GPC5: variants seen among roughly 807,000 people sequenced by gnomAD.
GPC5 encodes glypican-5.
In GPC5, 47 loss-of-function variants were observed where a neutral mutation model predicts 53.9. That is an observed-to-expected ratio of 0.87 (90% CI 0.69 to 1.11). The LOEUF is 1.11. GPC5 is among the 50% of genes most tolerant of loss of function. The probability of loss-of-function intolerance (pLI) is 0.00; values close to 1 mark genes in which losing one functional copy is unlikely to be tolerated. For synonymous variants in GPC5, 286 were observed against 263.3 expected (o/e 1.09, Z -0.84); for missense variants, 748 against 713.1 (o/e 1.05, Z -0.56).
chr13:91,728,916 T>C (rs947708031), intron 4 of GPC5, among the ~76,000 whole-genome samples: 1 of 152,092 alleles, frequency 6.6e-6, no homozygotes, highest in Non-Finnish European at 1.5e-5. Context: ...GAAGGTCATA[T>C]TGGGGGCCCT....
intron 7 of GPC5, among the ~76,000 whole-genome samples, chr13:92,329,294 G>A (rs2043272729): frequency 1.3e-5 from 2 of 152,122 alleles, no homozygotes; most frequent in Non-Finnish European, 2.9e-5. Flanking sequence ...TTTACTCATG[G>A]TGAAAGATGA....
intron 2 of GPC5, among the ~76,000 whole-genome samples, chr13:91,578,392 A>T (rs2032217866): frequency 6.6e-6 from 1 of 152,200 alleles, no homozygotes; most frequent in African/African-American, 2.4e-5. Flanking sequence ...CTAGGTTAGT[A>T]AATCACTGTT....
At chr13:92,308,386 T>A (rs763450410) in intron 7 of GPC5, among the ~76,000 whole-genome samples, 7 of 152,166 alleles carry the variant, frequency 4.6e-5, no homozygotes, top group Non-Finnish European at 8.8e-5. Flanking sequence ...GTTTTTGTTT[T>A]TATATATATG....
At chr13:92,566,169 A>G (rs1244917760) in intron 7 of GPC5, among the ~76,000 whole-genome samples, 1 of 152,078 alleles carries the variant, frequency 6.6e-6, no homozygotes, top group Non-Finnish European at 1.5e-5. Context: ...TCAGACCCCT[A>G]AAGGTCCTAT....
intron 6 of GPC5, among the ~76,000 whole-genome samples, chr13:92,072,569 A>ATTTT (rs34169387): frequency 3.8e-5 from 4 of 103,972 alleles, no homozygotes; most frequent in African/African-American, 1.5e-4. Context: ...TGGCCACTAA[A>ATTTT]TTTTTTTTTT....
intron 6 of GPC5, among the ~76,000 whole-genome samples, chr13:92,034,458 A>G (rs756450617): frequency 1.3e-5 from 2 of 152,154 alleles, no homozygotes; most frequent in Non-Finnish European, 2.9e-5. Flanking sequence ...AGATAGTGCC[A>G]CTGCACTCCA....
intron 7 of GPC5, among the ~76,000 whole-genome samples, chr13:92,254,940 T>A (rs920946835): frequency 3.3e-5 from 5 of 151,944 alleles, no homozygotes; most frequent in African/African-American, 9.7e-5. Flanking sequence ...CCAGACAATA[T>A]CACCATGGAT....
chr13:92,695,396 A>C (rs1375022590), intron 7 of GPC5, among the ~76,000 whole-genome samples: 2 of 152,200 alleles, frequency 1.3e-5, no homozygotes. Context: ...ACACCCTTGT[A>C]AAATTTGCTT....
intron 7 of GPC5, among the ~76,000 whole-genome samples, chr13:92,321,976 C>T (rs954034469): frequency 6.6e-6 from 1 of 151,964 alleles, no homozygotes; most frequent in Non-Finnish European, 1.5e-5. Context: ...CAATTTATAA[C>T]CTGAGCAATA....
intron 7 of GPC5, among the ~76,000 whole-genome samples, chr13:92,376,096 C>T (rs1471878448): frequency 6.6e-6 from 1 of 152,100 alleles, no homozygotes; most frequent in Non-Finnish European, 1.5e-5. Flanking sequence ...TTTGATAATA[C>T]CCATTTGAAA....
rs1298742129 is a variant in GPC5 at position 92,695,287 on chromosome 13, GTTAAT to G, written c.1562-170990_1562-170986del. ...TAATGGGGTTATTTGGCTTTTGATTGTTAATTTAAGTTCCTTATAGATTCTAGATA... is the reference window on the plus strand; with the variant it reads ...TAATGGGGTTATTTGGCTTTTGATTGTTAAGTTCCTTATAGATTCTAGATA... On this transcript the variant is annotated intron_variant, in intron 7 of 7. Transcript: ENST00000377067. Among the ~76,000 whole-genome samples the G allele has an allele frequency of 1.4e-4, 21 of 152,176 alleles. No homozygotes were observed. In the East Asian group the frequency reaches 3.3e-3, roughly 24 times the overall value.
rs1315601682 is a variant in GPC5 at position 92,028,613 on chromosome 13, G to A, written c.1402-116217G>A. Among the ~76,000 whole-genome samples, 4 of 152,022 alleles carry A rather than the reference G, an allele frequency of 2.6e-5. 1 individual carries two copies. The highest frequency in any genetic ancestry group is 4.1e-4 in the South Asian group (2 of 4,826). On this transcript the variant is annotated intron_variant, in intron 6 of 7. Coordinates refer to ENST00000377067, the MANE Select transcript of GPC5 (RefSeq NM_004466.6). ...ATTTGGCTTCGGATTTCAGCCTAACGTTTACTTCATATTTTATGTTTGTAT... is the reference window on the plus strand; with the variant it reads ...ATTTGGCTTCGGATTTCAGCCTAACATTTACTTCATATTTTATGTTTGTAT...
At chr13:91,923,951 G>A (rs1196794448) in intron 6 of GPC5, among the ~76,000 whole-genome samples, 2 of 151,924 alleles carry the variant, frequency 1.3e-5, no homozygotes, top group East Asian at 1.9e-4. Context: ...CTCTCTCCTA[G>A]TAACTTCCCA....
chr13:92,527,806 T>A (rs1881420833), intron 7 of GPC5, among the ~76,000 whole-genome samples: 2 of 152,110 alleles, frequency 1.3e-5, no homozygotes, highest in African/African-American at 4.8e-5. Context: ...TAGGTTTAGA[T>A]TAGTTTCTAT....
At chr13:92,001,579 T>G (rs577695769) in intron 6 of GPC5, among the ~76,000 whole-genome samples, 275 of 152,296 alleles carry the variant, frequency 1.8e-3, no homozygotes, top group Admixed American at 3.0e-3. Context: ...GAGGGATCAA[T>G]TTACACTAAT....
intron 2 of GPC5, among the ~76,000 whole-genome samples, chr13:91,641,825 A>G (rs2034437967): frequency 6.6e-6 from 1 of 152,246 alleles, no homozygotes; most frequent in Admixed American, 6.5e-5. Context: ...TATAGGGAAC[A>G]CTGAGTTCGA....
intron 7 of GPC5, among the ~76,000 whole-genome samples, chr13:92,385,724 TATAC>T (rs1874661646): frequency 7.0e-6 from 1 of 142,922 alleles, no homozygotes; most frequent in South Asian, 2.1e-4. Context: ...TATATACATA[TATAC>T]ATGTATATAT....
chr13:92,651,123 T>C (rs758988071), intron 7 of GPC5, among the ~76,000 whole-genome samples: 70 of 152,104 alleles, frequency 4.6e-4, no homozygotes, highest in African/African-American at 1.2e-4. Context: ...GGGAATACTA[T>C]GGGACCTTGT....
chr13:92,221,847 T>A (rs2042451570), intron 7 of GPC5, among the ~76,000 whole-genome samples: 1 of 150,754 alleles, frequency 6.6e-6, no homozygotes, highest in Admixed American at 6.7e-5. Context: ...TAATAAGATA[T>A]ATCTCTTTAA....
Sources: allele counts gnomAD v4.1 joint callset (sites outside exome capture counted in the v4.1 genomes callset), GRCh38; gene constraint gnomAD v4.1.1; transcripts MANE v1.5; gene names NCBI Gene and HGNC (gene_info 2026-07-23, HGNC 2026-07-21).